GABRB3: variants seen among roughly 807,000 people sequenced by gnomAD.
GABRB3 encodes the protein gamma-aminobutyric acid type A receptor subunit beta3, also known as gamma-aminobutyric acid receptor subunit beta-3.
GABRB3 carries 14 observed loss-of-function variants against 52.1 expected under a neutral mutation model. The ratio of observed to expected loss-of-function variants is 0.27; its 90% CI spans 0.18 to 0.42. The LOEUF is 0.42. Ranked by LOEUF, GABRB3 falls within the 10% of genes least tolerant of loss-of-function variation. GABRB3 has a pLI of 1.00. For missense variants in GABRB3, 307 were observed against 609.1 expected (o/e 0.50, Z 5.22); for synonymous variants, 260 against 232.3 (o/e 1.12, Z -1.08).
chr15:26,596,269 G>A (rs997202870), intron 4 of GABRB3, among the ~76,000 whole-genome samples: 1 of 151,912 alleles, frequency 6.6e-6, no homozygotes, highest in Non-Finnish European at 1.5e-5. Flanking sequence ...TTCTTGATAC[G>A]AACAAACAGT....
chr15:26,690,390 T>C (rs1888550566), intron 3 of GABRB3, among the ~76,000 whole-genome samples: 1 of 152,096 alleles, frequency 6.6e-6, no homozygotes, highest in Admixed American at 6.5e-5. Context: ...GAAATTCTTG[T>C]ACAAAAGCAG....
intron 4 of GABRB3, among the ~76,000 whole-genome samples, chr15:26,619,640 C>G (rs1171367871): frequency 6.6e-6 from 1 of 151,330 alleles, no homozygotes; most frequent in Non-Finnish European, 1.5e-5. Context: ...GCACATTATG[C>G]ACATGTACCC....
chr15:26,691,970 T>C (rs191170640), intron 3 of GABRB3, among the ~76,000 whole-genome samples: 2 of 152,354 alleles, frequency 1.3e-5, no homozygotes, highest in Admixed American at 6.5e-5. Context: ...ACCAGGGTCA[T>C]GTGTTGGTTC....
chr15:26,759,026 T>C (rs541540063), intron 3 of GABRB3, among the ~76,000 whole-genome samples: 1 of 152,290 alleles, frequency 6.6e-6, no homozygotes, highest in East Asian at 1.9e-4. Flanking sequence ...TTTGGATCTA[T>C]ATAATCCTAA....
At chr15:26,656,852 A>G (rs1887389005) in intron 3 of GABRB3, among the ~76,000 whole-genome samples, 1 of 152,256 alleles carries the variant, frequency 6.6e-6, no homozygotes, top group Non-Finnish European at 1.5e-5. Flanking sequence ...CAGGATTAAA[A>G]TAAAAAATTC....
intron 7 of GABRB3, among the ~76,000 whole-genome samples, chr15:26,565,167 AT>A (rs1890120135): frequency 9.0e-6 from 1 of 110,944 alleles, no homozygotes; most frequent in Non-Finnish European, 1.8e-5. Context: ...TGTCTGTTGT[AT>A]TGATGATGAT....
Position 26,547,586 on chromosome 15 carries a change from G to A in GABRB3, c.*207C>T, listed in dbSNP as rs1595428292. On this transcript the variant is annotated 3_prime_UTR_variant, in exon 9 of 9. Coordinates refer to ENST00000311550, the MANE Select transcript of GABRB3 (RefSeq NM_000814.6). ...TCCATACACATGGGCACTGACTCCTGTGTGTATAAACATATACACATACAT... is the reference window on the plus strand; with the variant it reads ...TCCATACACATGGGCACTGACTCCTATGTGTATAAACATATACACATACAT... 3.3e-6 allele frequency: 2 copies of A among 604,450 alleles called. No homozygotes were observed. The highest frequency in any genetic ancestry group is 5.5e-5 in the East Asian group (2 of 36,472). 37.4% of individuals were successfully genotyped at this position (604,450 alleles called of 1,614,324 possible).
At chr15:26,760,896 T>C (rs148652929) in intron 3 of GABRB3, among the ~76,000 whole-genome samples, 125 of 152,134 alleles carry the variant, frequency 8.2e-4, no homozygotes, top group African/African-American at 2.7e-3. Context: ...CGGATCTGCT[T>C]TCATTTACTC....
intron 4 of GABRB3, among the ~76,000 whole-genome samples, chr15:26,584,860 C>T (rs1427266459): frequency 6.6e-6 from 1 of 152,154 alleles, no homozygotes; most frequent in Non-Finnish European, 1.5e-5. Context: ...GAGTCAAAGA[C>T]AGCAAGCCAT....
intron 3 of GABRB3, among the ~76,000 whole-genome samples, chr15:26,643,017 C>G (rs1335097375): frequency 1.3e-5 from 2 of 152,190 alleles, no homozygotes; most frequent in African/African-American, 4.8e-5. Flanking sequence ...TCTTTCCCAT[C>G]TGTCCCATCT....
intron 3 of GABRB3, among the ~76,000 whole-genome samples, chr15:26,697,193 C>A (rs1455976080): frequency 6.6e-6 from 1 of 151,970 alleles, no homozygotes; most frequent in African/African-American, 2.4e-5. Flanking sequence ...TTTTTAAGCA[C>A]AAGATTATGA....
At chr15:26,736,570 G>A (rs1890070488) in intron 3 of GABRB3, among the ~76,000 whole-genome samples, 1 of 152,250 alleles carries the variant, frequency 6.6e-6, no homozygotes, top group Non-Finnish European at 1.5e-5. Context: ...CACTCTGTGA[G>A]CTGCCCCTCG....
chr15:26,659,661 G>A (rs1286844773), intron 3 of GABRB3, among the ~76,000 whole-genome samples: 1 of 152,208 alleles, frequency 6.6e-6, no homozygotes, highest in African/African-American at 2.4e-5. Context: ...TCACCTGGTA[G>A]TCTGAATAGA....
In GABRB3 at chr15:26,547,377, TATG is replaced by T. The variant is rs1889293102; in HGVS notation, c.*413_*415del. On this transcript the variant is annotated 3_prime_UTR_variant, in exon 9 of 9. Transcript: ENST00000311550. Reference sequence around the variant, plus strand: ...GATTTTTAAACTAAAACATCTAACTTATGATAATACAAGACACATTTGGGGATG... The same window carrying T: ...GATTTTTAAACTAAAACATCTAACTTATAATACAAGACACATTTGGGGATG... 2.4e-6 allele frequency: 1 copy of T among 414,786 alleles called. No individual in the cohort carries two copies. The highest frequency in any genetic ancestry group is 4.2e-6 in the Non-Finnish European group (1 of 235,354). The allele number at this position is 414,786 out of a possible 1,614,324, so 25.7% of individuals were successfully genotyped here.
intron 3 of GABRB3, among the ~76,000 whole-genome samples, chr15:26,702,752 T>C (rs184505946): frequency 2.0e-5 from 3 of 152,352 alleles, no homozygotes; most frequent in African/African-American, 4.8e-5. Flanking sequence ...CAAAGACTTG[T>C]ACATGAATGT....
intron 3 of GABRB3, among the ~76,000 whole-genome samples, chr15:26,705,993 C>T (rs1310533182): frequency 6.6e-6 from 1 of 152,158 alleles, no homozygotes; most frequent in Non-Finnish European, 1.5e-5. Context: ...CCAACCTCAG[C>T]CTCATGCAAT....
intron 3 of GABRB3, among the ~76,000 whole-genome samples, chr15:26,751,758 T>C (rs143582414): frequency 1.3e-4 from 20 of 152,268 alleles, no homozygotes; most frequent in African/African-American, 3.6e-4. Flanking sequence ...TTCATTTCTC[T>C]AGATTTCATA....
At chr15:26,713,241 G>C (rs776354682) in intron 3 of GABRB3, among the ~76,000 whole-genome samples, 3 of 152,202 alleles carry the variant, frequency 2.0e-5, no homozygotes, top group Non-Finnish European at 2.9e-5. Context: ...GTGACTGTAG[G>C]GGAAGGGCAG....
intron 3 of GABRB3, among the ~76,000 whole-genome samples, chr15:26,640,102 C>T (rs1595502784): frequency 6.6e-6 from 1 of 152,332 alleles, no homozygotes; most frequent in South Asian, 2.1e-4. Flanking sequence ...TTTAGCATAA[C>T]ATCTCACACT....
Sources: allele counts gnomAD v4.1 joint callset (sites outside exome capture counted in the v4.1 genomes callset), GRCh38; gene constraint gnomAD v4.1.1; transcripts MANE v1.5; gene names NCBI Gene and HGNC (gene_info 2026-07-23, HGNC 2026-07-21).